The following SEMA3E variants were observed in gnomAD, a reference collection of about 807,000 sequenced individuals.
The protein encoded by SEMA3E is semaphorin-3E.
In SEMA3E, 49 loss-of-function variants were observed where a neutral mutation model predicts 93.6. The ratio of observed to expected loss-of-function variants is 0.52; its 90% CI spans 0.42 to 0.66. The LOEUF is 0.66. Ranked by LOEUF, SEMA3E falls within the 30% of genes least tolerant of loss-of-function variation. SEMA3E has a pLI of 0.00. For synonymous variants in SEMA3E, 363 were observed against 330.7 expected, an observed-to-expected ratio of 1.10 and a Z score of -1.06; for missense variants, 906 against 964.8, an observed-to-expected ratio of 0.94 and a Z score of 0.81.
chr7:83,534,783 A>G (rs1791379782), intron 1 of SEMA3E, among the ~76,000 whole-genome samples: 2 of 152,186 alleles, frequency 1.3e-5, no homozygotes, highest in African/African-American at 4.8e-5. Context: ...CACAAAGCCT[A>G]TAAGCTCTTT....
chr7:83,422,981 T>G (rs1300430153), intron 4 of SEMA3E, among the ~76,000 whole-genome samples: 1 of 152,068 alleles, frequency 6.6e-6, no homozygotes, highest in Non-Finnish European at 1.5e-5. Flanking sequence ...ATAATATAGG[T>G]TCTTGAGGCT....
intron 16 of SEMA3E, among the ~76,000 whole-genome samples, chr7:83,378,091 T>C (rs1275351581): frequency 6.6e-6 from 1 of 151,886 alleles, no homozygotes; most frequent in Non-Finnish European, 1.5e-5. Context: ...AAATGATTTA[T>C]ACACCCTTCA....
At chr7:83,457,795 A>C (rs1789519613) in intron 4 of SEMA3E, among the ~76,000 whole-genome samples, 1 of 152,158 alleles carries the variant, frequency 6.6e-6, no homozygotes, top group Non-Finnish European at 1.5e-5. Context: ...AATGTGTAGT[A>C]TTAAAATCTT....
intron 5 of SEMA3E, among the ~76,000 whole-genome samples, chr7:83,410,711 T>C (rs1278058363): frequency 6.6e-6 from 1 of 151,944 alleles, no homozygotes; most frequent in African/African-American, 2.4e-5. Flanking sequence ...TAAAAGAGAG[T>C]CATTAAAAGG....
intron 1 of SEMA3E, among the ~76,000 whole-genome samples, chr7:83,584,781 A>G (rs1364670890): frequency 6.6e-6 from 1 of 152,172 alleles, no homozygotes; most frequent in East Asian, 1.9e-4. Flanking sequence ...AATGAAGTTT[A>G]AATATTGACA....
At chr7:83,512,367 G>A (rs1252428709) in intron 1 of SEMA3E, among the ~76,000 whole-genome samples, 3 of 152,120 alleles carry the variant, frequency 2.0e-5, no homozygotes, top group African/African-American at 7.2e-5. Flanking sequence ...AATTACTTAC[G>A]GCTGAAACTT....
chr7:83,566,197 G>A (rs1191007945), intron 1 of SEMA3E, among the ~76,000 whole-genome samples: 4 of 149,106 alleles, frequency 2.7e-5, no homozygotes, highest in South Asian at 2.1e-4. Context: ...TAGTAGAGAC[G>A]GGGTTTTACC....
intron 2 of SEMA3E, among the ~76,000 whole-genome samples, chr7:83,472,606 G>A (rs1789922461): frequency 6.6e-6 from 1 of 152,186 alleles, no homozygotes; most frequent in South Asian, 2.1e-4. Flanking sequence ...ACCATCTGAT[G>A]TATCAATTTC....
At chr7:83,575,288 C>T (rs578176460) in intron 1 of SEMA3E, among the ~76,000 whole-genome samples, 12 of 151,054 alleles carry the variant, frequency 7.9e-5, no homozygotes, top group Non-Finnish European at 1.5e-4. Context: ...AGAAATAGAT[C>T]ACAGTGTTAT....
At chr7:83,466,922 A>G (rs1474560075) in intron 3 of SEMA3E, among the ~76,000 whole-genome samples, 1 of 152,200 alleles carries the variant, frequency 6.6e-6, no homozygotes, top group Non-Finnish European at 1.5e-5. Flanking sequence ...TTCTCATGAC[A>G]ATATGTTCCA....
At chr7:83,536,909 C>G (rs1791420326) in intron 1 of SEMA3E, among the ~76,000 whole-genome samples, 1 of 152,024 alleles carries the variant, frequency 6.6e-6, no homozygotes, top group Admixed American at 6.6e-5. Context: ...CACCCTAACC[C>G]CAAATATCAC....
At chr7:83,589,986 A>G (rs975069712) in intron 1 of SEMA3E, among the ~76,000 whole-genome samples, 1 of 152,196 alleles carries the variant, frequency 6.6e-6, no homozygotes, top group East Asian at 1.9e-4. Flanking sequence ...AGATCAATAT[A>G]TCATAGCATA....
chr7:83,411,711 T>A (rs937360228), intron 5 of SEMA3E, among the ~76,000 whole-genome samples: 1 of 152,086 alleles, frequency 6.6e-6, no homozygotes, highest in African/African-American at 2.4e-5. Context: ...CTATTTGGTA[T>A]CAGAAAAGTT....
chr7:83,394,194 G>T, intron 13 of SEMA3E, 103 bp downstream of exon 13: 1 of 1,230,874 alleles, frequency 8.1e-7, no homozygotes, highest in Non-Finnish European at 1.2e-6. Context: ...ACTGTAATAA[G>T]TTCATATTTA....
chr7:83,508,357 G>A (rs1422922484), intron 1 of SEMA3E, among the ~76,000 whole-genome samples: 3 of 151,528 alleles, frequency 2.0e-5, no homozygotes, highest in African/African-American at 7.3e-5. Flanking sequence ...CTGCCTCCTG[G>A]GTTCAAGTGA....
intron 1 of SEMA3E, among the ~76,000 whole-genome samples, chr7:83,500,495 C>T (rs904295862): frequency 6.6e-6 from 1 of 151,108 alleles, no homozygotes; most frequent in Non-Finnish European, 1.5e-5. Context: ...AGAATGAAAA[C>T]AGATTTCTAG....
At position 83,499,916 on chromosome 7, in the gene SEMA3E, A is replaced by G. The variant is rs546404948; in HGVS notation, c.116-9642T>C. ...TCAGTCTTCCAGAGGCTGAATTTGG[A>G]CATCAACAAAGTCCTATGCACTCCT... On this transcript the variant is annotated intron_variant, in intron 1 of 16. Transcript: ENST00000643230. 2.6e-5 allele frequency among the ~76,000 whole-genome samples: 4 copies of G among 152,318 alleles called. No homozygotes were observed. The East Asian group carries it at 5.8e-4, about 22-fold the overall frequency.
At chr7:83,643,581 T>G (rs1794041716) in intron 1 of SEMA3E, among the ~76,000 whole-genome samples, 1 of 151,954 alleles carries the variant, frequency 6.6e-6, no homozygotes, top group Admixed American at 6.6e-5. Flanking sequence ...GGGACTTTCA[T>G]ATATCCAGAT....
intron 4 of SEMA3E, among the ~76,000 whole-genome samples, chr7:83,444,834 C>A (rs1789191859): frequency 6.6e-6 from 1 of 152,012 alleles, no homozygotes. Context: ...CCACTCCTGG[C>A]TAATTTTTGT....
Sources: gnomAD v4.1 joint callset for allele counts (sites outside exome capture counted in the v4.1 genomes callset) on GRCh38, gnomAD v4.1.1 for gene constraint, MANE v1.5 for transcripts, NCBI Gene and HGNC (gene_info 2026-07-23, HGNC 2026-07-21) for gene names.